LOC128706665: variants seen among roughly 807,000 people sequenced by gnomAD.
chr20:10,427,137 G>A, the LOC128706665 span, among the ~76,000 whole-genome samples: 2 of 150,540 alleles, frequency 1.3e-5, no homozygotes, highest in African/African-American at 2.5e-5. Flanking sequence ...CAAACAGCTG[G>A]ATCTAGCCAT....
the LOC128706665 span, among the ~76,000 whole-genome samples, chr20:10,422,912 C>G: frequency 2.6e-5 from 4 of 151,862 alleles, no homozygotes; most frequent in African/African-American, 9.7e-5. Flanking sequence ...AGGGTTTCAC[C>G]GTGTTAGCCA....
the LOC128706665 span, among the ~76,000 whole-genome samples, chr20:10,427,441 C>T: frequency 1.3e-5 from 2 of 152,116 alleles, no homozygotes; most frequent in African/African-American, 4.8e-5. Flanking sequence ...AACCAATTAA[C>T]CCAGCTCTTG....
chr20:10,433,836 C>T, the LOC128706665 span, among the ~76,000 whole-genome samples: 9,226 of 152,164 alleles, frequency 0.061, 404 homozygotes, highest in African/African-American at 0.11. Context: ...CGTGGTGAGG[C>T]GCCACTCCTC....
chr20:10,426,411 CTTT>C, the LOC128706665 span, among the ~76,000 whole-genome samples: 29 of 112,384 alleles, frequency 2.6e-4, no homozygotes, highest in Non-Finnish European at 4.2e-4. Context: ...GCATGTTGTT[CTTT>C]TTTCTTTTTT....
At chr20:10,423,854 G>GA in the LOC128706665 span, among the ~76,000 whole-genome samples, 4 of 152,190 alleles carry the variant, frequency 2.6e-5, no homozygotes, top group African/African-American at 9.7e-5. Context: ...AAACATCACT[G>GA]AGACTCAGTA....
chr20:10,427,029 GACACACACACACACACACACACAC>G, the LOC128706665 span, among the ~76,000 whole-genome samples: 5,068 of 130,776 alleles, frequency 0.039, 142 homozygotes, highest in Non-Finnish European at 0.055. Context: ...AGAAAACACT[GACACACACACACACACACACACAC>G]ACACACACAC....
At chr20:10,427,349 G>A in the LOC128706665 span, among the ~76,000 whole-genome samples, 4 of 152,084 alleles carry the variant, frequency 2.6e-5, no homozygotes, top group Non-Finnish European at 5.9e-5. Flanking sequence ...AATTGCTGTT[G>A]TGATTTGAAA....
At chr20:10,429,488 A>C in the LOC128706665 span, among the ~76,000 whole-genome samples, 1 of 152,110 alleles carries the variant, frequency 6.6e-6, no homozygotes, top group African/African-American at 2.4e-5. Flanking sequence ...GCTACTGTAC[A>C]CCTTTGAACT....
At chr20:10,425,138 T>C in the LOC128706665 span, among the ~76,000 whole-genome samples, 1 of 152,124 alleles carries the variant, frequency 6.6e-6, no homozygotes, top group African/African-American at 2.4e-5. Flanking sequence ...TTTTTAAAGT[T>C]AGCAAATATA....
the LOC128706665 span, among the ~76,000 whole-genome samples, chr20:10,423,688 A>G: frequency 6.6e-6 from 1 of 152,222 alleles, no homozygotes; most frequent in Non-Finnish European, 1.5e-5. Context: ...TCTCCCAGTT[A>G]AAGATAAAAG....
the LOC128706665 span, among the ~76,000 whole-genome samples, chr20:10,419,866 T>C: frequency 1.3e-5 from 2 of 152,236 alleles, no homozygotes; most frequent in Admixed American, 1.3e-4. Context: ...GAATTTTCTA[T>C]TTAATATTTT....
the LOC128706665 span, among the ~76,000 whole-genome samples, chr20:10,419,519 A>T: frequency 6.6e-6 from 1 of 152,180 alleles, no homozygotes; most frequent in East Asian, 1.9e-4. Flanking sequence ...TTCCAAGACC[A>T]CCCAGTGGAT....
the LOC128706665 span, among the ~76,000 whole-genome samples, chr20:10,418,924 T>A: frequency 6.6e-6 from 1 of 152,190 alleles, no homozygotes; most frequent in African/African-American, 2.4e-5. Context: ...ACAAATTTTA[T>A]ATAGAATGTC....
the LOC128706665 span, among the ~76,000 whole-genome samples, chr20:10,416,322 G>A: frequency 1.3e-5 from 2 of 151,818 alleles, 1 homozygote; most frequent in South Asian, 4.2e-4. Context: ...AATGATTATA[G>A]GTATGAGGTA....
chr20:10,414,735 C>A, the LOC128706665 span, among the ~76,000 whole-genome samples: 429 of 152,248 alleles, frequency 2.8e-3, 1 homozygote, highest in Middle Eastern at 6.8e-3. Flanking sequence ...TAGCTGTTGG[C>A]ATGTCTACTG....
At chr20:10,414,265 C>CTTTTTTTT in the LOC128706665 span, among the ~76,000 whole-genome samples, 1 of 132,360 alleles carries the variant, frequency 7.6e-6, no homozygotes, top group African/African-American at 2.8e-5. Flanking sequence ...GTCTCTGAGT[C>CTTTTTTTT]TTTTTTTTTT....
At chr20:10,419,474 A>G in the LOC128706665 span, among the ~76,000 whole-genome samples, 4 of 152,216 alleles carry the variant, frequency 2.6e-5, no homozygotes, top group Admixed American at 6.5e-5. Flanking sequence ...TGGAATAAAA[A>G]CAGTGACCTC....
the LOC128706665 span, among the ~76,000 whole-genome samples, chr20:10,422,399 T>A: frequency 2.6e-5 from 4 of 152,168 alleles, no homozygotes; most frequent in African/African-American, 9.7e-5. Flanking sequence ...CAATTACAAA[T>A]AACTGTATCA....
At chr20:10,415,124 A>C in the LOC128706665 span, among the ~76,000 whole-genome samples, 96 of 152,372 alleles carry the variant, frequency 6.3e-4, no homozygotes, top group African/African-American at 2.2e-3. Context: ...CTTGAGGCAT[A>C]AATTCCTGAC....
Sources: gnomAD v4.1 joint callset for allele counts (sites outside exome capture counted in the v4.1 genomes callset) on GRCh38, gnomAD v4.1.1 for gene constraint, MANE v1.5 for transcripts.